ITK: variants seen among roughly 807,000 people sequenced by gnomAD.
ITK encodes tyrosine-protein kinase ITK/TSK.
In ITK, 45 loss-of-function variants were observed where a neutral mutation model predicts 87.6. That is an observed-to-expected ratio of 0.51 (90% CI 0.40 to 0.66). The LOEUF (loss-of-function observed/expected upper bound fraction) is 0.66. Ranked by LOEUF, ITK falls within the 30% of genes least tolerant of loss-of-function variation. The pLI is 0.00. For synonymous variants in ITK, 303 were observed against 273.6 expected, an observed-to-expected ratio of 1.11 and a Z score of -1.06; for missense variants, 605 against 766.3, an observed-to-expected ratio of 0.79 and a Z score of 2.48.
Position 157,248,984 on chromosome 5 carries a change from A to C in ITK, c.1768A>C (p.Ile590Leu), listed in dbSNP as rs554375207. The C allele has an allele frequency of 3.7e-6, 6 of 1,613,964 alleles. No homozygotes were observed. In the East Asian group the frequency reaches 8.9e-5, roughly 24 times the overall value. The change falls in exon 16 of 17, where the codon ATT becomes CTT. Residue 590 changes from isoleucine to leucine, a missense_variant. Physicochemically the swap from Ile to Leu is conservative, Grantham distance 5. This residue lies in a region of ITK where 71 missense variants were observed against 65.8 expected (regional missense o/e 1.08). Transcript: ENST00000422843. ...GCTGGCCTCCACACACGTCTACCAG[A>C]TTATGAATCACTGCTGGAAAGAGGT... is the stretch of plus-strand genomic sequence containing the variant. ...PRLASTHVYQ[I>L]MNHCWKERPE...
chr5:157,185,682 CAA>C (rs397831582), intron 1 of ITK, among the ~76,000 whole-genome samples: 8 of 84,710 alleles, frequency 9.4e-5, no homozygotes, highest in Admixed American at 1.3e-4. Context: ...TCCGTCTCCA[CAA>C]AAAAAAAAAA....
chr5:157,190,854 G>A (rs560769926), intron 1 of ITK, among the ~76,000 whole-genome samples: 2 of 152,340 alleles, frequency 1.3e-5, no homozygotes, highest in South Asian at 2.1e-4. Flanking sequence ...GGCACAAGAC[G>A]AGGGGCAGAA....
intron 5 of ITK, among the ~76,000 whole-genome samples, chr5:157,219,297 G>C (rs1754365198): frequency 6.6e-6 from 1 of 151,908 alleles, no homozygotes; most frequent in African/African-American, 2.4e-5. Flanking sequence ...ATTTTTAATA[G>C]AGACCGACTT....
At chr5:157,184,608 G>T (rs905619234) in intron 1 of ITK, among the ~76,000 whole-genome samples, 1 of 152,172 alleles carries the variant, frequency 6.6e-6, no homozygotes, top group African/African-American at 2.4e-5. Flanking sequence ...TGTGGCTCAC[G>T]TGGCCACTTT....
chr5:157,201,363 T>C (rs1449252197), intron 1 of ITK, among the ~76,000 whole-genome samples: 5 of 150,136 alleles, frequency 3.3e-5, no homozygotes, highest in African/African-American at 9.9e-5. Context: ...AGTGGCATGA[T>C]CTTGGCTCAC....
chr5:157,233,928 GATACATAT>G (rs1232632956), intron 8 of ITK, among the ~76,000 whole-genome samples: 2 of 45,544 alleles, frequency 4.4e-5, no homozygotes, highest in Non-Finnish European at 7.9e-5. Context: ...CCTCCTTACT[GATACATAT>G]ATATATATAT....
intron 6 of ITK, among the ~76,000 whole-genome samples, chr5:157,226,893 T>A (rs1023240043): frequency 1.3e-5 from 2 of 152,116 alleles, no homozygotes; most frequent in Non-Finnish European, 2.9e-5. Context: ...TCCACACCAC[T>A]GCCCCCACCC....
chr5:157,192,538 G>A (rs895120381), intron 1 of ITK, among the ~76,000 whole-genome samples: 20 of 152,202 alleles, frequency 1.3e-4, no homozygotes, highest in Admixed American at 7.2e-4. Flanking sequence ...CCGGGTCACC[G>A]GGCTAATTCT....
At chr5:157,204,015 T>G (rs1474554416) in intron 1 of ITK, among the ~76,000 whole-genome samples, 1 of 152,188 alleles carries the variant, frequency 6.6e-6, no homozygotes, top group Non-Finnish European at 1.5e-5. Context: ...TTTGTTTGTT[T>G]GCTTGTTTGA....
At chr5:157,242,888 G>A (rs1264906664) in intron 11 of ITK, among the ~76,000 whole-genome samples, 5 of 152,212 alleles carry the variant, frequency 3.3e-5, no homozygotes, top group Admixed American at 3.3e-4. Context: ...CACAGTAGGT[G>A]CTCAATACTG....
At chr5:157,218,636 A>G (rs1471061959) in intron 5 of ITK, among the ~76,000 whole-genome samples, 1 of 152,004 alleles carries the variant, frequency 6.6e-6, no homozygotes, top group African/African-American at 2.4e-5. Flanking sequence ...AAAACTTACT[A>G]TCCGTTCTAT....
At position 157,222,952 on chromosome 5, in the gene ITK, C is replaced by T. The variant is rs988688399; in HGVS notation, c.585C>T (p.Asn195=). ...CTCAGGAACTCGCACTGCGGCGCAA[C>T]GAAGAGTACTGCCTGCTGGACAGTT... ...NDPQELALRR[N]EEYCLLDSSE... is the part of the protein sequence containing the mutation. The change falls in exon 6 of 17, where the codon AAC becomes AAT. Residue 195 remains asparagine, a synonymous_variant. Transcript: ENST00000422843. The T allele has an allele frequency of 3.7e-6, 6 of 1,613,938 alleles. No individual in the cohort carries two copies. Among genetic ancestry groups the T allele is most frequent in the South Asian group, 1.1e-5 (1 of 91,082 alleles).
chr5:157,189,723 A>G (rs573250988), intron 1 of ITK, among the ~76,000 whole-genome samples: 1 of 152,356 alleles, frequency 6.6e-6, no homozygotes, highest in African/African-American at 2.4e-5. Context: ...AGTTTCTTGA[A>G]CTACAAGCTC....
chr5:157,181,247 G>T, intron 1 of ITK, 132 bp downstream of exon 1: 3 of 1,017,116 alleles, frequency 2.9e-6, no homozygotes, highest in Non-Finnish European at 4.6e-6. Context: ...AACATAAAAA[G>T]TACAGTAAAA....
chr5:157,232,992 TC>T (rs1754689970), intron 8 of ITK, among the ~76,000 whole-genome samples: 1 of 152,194 alleles, frequency 6.6e-6, no homozygotes, highest in Non-Finnish European at 1.5e-5. Context: ...ACAGTTATCC[TC>T]TAAAGCCATG....
At chr5:157,213,052 T>C (rs1301464439) in intron 3 of ITK, among the ~76,000 whole-genome samples, 1 of 152,148 alleles carries the variant, frequency 6.6e-6, no homozygotes, top group East Asian at 1.9e-4. Flanking sequence ...GCTATAAAGA[T>C]ATGCCCGAGA....
At chr5:157,204,380 G>A (rs1301706070) in intron 1 of ITK, among the ~76,000 whole-genome samples, 1 of 152,016 alleles carries the variant, frequency 6.6e-6, no homozygotes, top group Non-Finnish European at 1.5e-5. Context: ...GGGCAACATG[G>A]TGAAACCCCA....
chr5:157,184,994 C>T (rs771628708), intron 1 of ITK, among the ~76,000 whole-genome samples: 1 of 152,160 alleles, frequency 6.6e-6, no homozygotes, highest in Non-Finnish European at 1.5e-5. Flanking sequence ...CTCCTCATGG[C>T]CTTTTCCCTT....
rs143001410 is a variant in ITK at position 157,205,724 on chromosome 5, T to C, written c.139-3165T>C. ...GCCTTCAGCTTTCGCCCATTCAGTA[T>C]GATGTTGGCTGTAGTTTGTCATAGA... On this transcript the variant is annotated intron_variant, in intron 1 of 16. Coordinates refer to ENST00000422843, the MANE Select transcript of ITK (RefSeq NM_005546.4). Among the ~76,000 whole-genome samples the C allele has an allele frequency of 5.1e-3, 783 of 152,320 alleles. 6 individuals carry two copies. Among genetic ancestry groups the C allele is most frequent in the African/African-American group, 0.018 (746 of 41,570 alleles).
Sources: allele counts gnomAD v4.1 joint callset (sites outside exome capture counted in the v4.1 genomes callset), GRCh38; gene constraint gnomAD v4.1.1; regional missense constraint gnomAD v4.1.1; transcripts MANE v1.5; gene names NCBI Gene and HGNC (gene_info 2026-07-23, HGNC 2026-07-21).